Variants in RGPD2 observed in about 807,000 individuals in gnomAD.
RGPD2 encodes the protein RANBP2-like and GRIP domain-containing protein 2.
Under a neutral mutation model 36.0 loss-of-function variants are expected in RGPD2, and 2 were observed. That is an observed-to-expected ratio of 0.06 (90% CI 0.02 to 0.17). The LOEUF (loss-of-function observed/expected upper bound fraction) is 0.17, where lower values mean the gene tolerates loss of function less well. Ranked by LOEUF, RGPD2 falls within the 10% of genes least tolerant of loss-of-function variation. The pLI is 1.00. For missense variants in RGPD2, 40 were observed against 464.3 expected, an observed-to-expected ratio of 0.09 and a Z score of 8.40; for synonymous variants, 19 against 163.8, an observed-to-expected ratio of 0.12 and a Z score of 6.75.
chr2:87,911,583 G>T, the RGPD2 span, among the ~76,000 whole-genome samples: 3 of 151,866 alleles, frequency 2.0e-5, no homozygotes, highest in African/African-American at 7.2e-5. Flanking sequence ...AATTTTGTCA[G>T]GATTATGTAC....
At chr2:87,897,660 G>A in the RGPD2 span, among the ~76,000 whole-genome samples, 3 of 150,434 alleles carry the variant, frequency 2.0e-5, no homozygotes, top group East Asian at 5.9e-4. Flanking sequence ...CGTGTGTGGT[G>A]TGCCCCTCCC....
the RGPD2 span, among the ~76,000 whole-genome samples, chr2:87,958,676 C>T: frequency 6.6e-6 from 1 of 152,256 alleles, no homozygotes; most frequent in African/African-American, 2.4e-5. Flanking sequence ...CTTTTAGGTT[C>T]AGGGATACAT....
the RGPD2 span, among the ~76,000 whole-genome samples, chr2:87,932,444 C>T: frequency 9.5e-5 from 1 of 10,560 alleles, no homozygotes; most frequent in Non-Finnish European, 2.1e-4. Context: ...TCATTTAGCC[C>T]ATTTACATTT....
chr2:87,937,218 G>A, the RGPD2 span, among the ~76,000 whole-genome samples: 1 of 151,768 alleles, frequency 6.6e-6, no homozygotes, highest in Non-Finnish European at 1.5e-5. Context: ...CAGGTCAAAT[G>A]AGACAAAATT....
the RGPD2 span, among the ~76,000 whole-genome samples, chr2:87,961,758 T>TA: frequency 6.8e-6 from 1 of 147,858 alleles, no homozygotes; most frequent in Non-Finnish European, 1.5e-5. Context: ...GTGGAACACT[T>TA]AGAGGAAAAG....
the RGPD2 span, among the ~76,000 whole-genome samples, chr2:87,883,180 T>C: frequency 6.6e-6 from 1 of 151,906 alleles, no homozygotes; most frequent in Non-Finnish European, 1.5e-5. Context: ...CAGTAAAAAA[T>C]GGAAAGAGAG....
At chr2:87,922,785 TAA>T in the RGPD2 span, among the ~76,000 whole-genome samples, 5 of 151,954 alleles carry the variant, frequency 3.3e-5, no homozygotes, top group African/African-American at 4.8e-5. Flanking sequence ...TCTTCAACTC[TAA>T]GAGTCAGTAA....
At chr2:87,857,774 T>TAAAAAAAAAAAAA in the RGPD2 span, among the ~76,000 whole-genome samples, 8 of 123,460 alleles carry the variant, frequency 6.5e-5, no homozygotes, top group African/African-American at 3.0e-4. Flanking sequence ...CCATCTCTAC[T>TAAAAAAAAAAAAA]AAAAAAAAAA....
the RGPD2 span, among the ~76,000 whole-genome samples, chr2:87,961,637 G>T: frequency 7.2e-6 from 1 of 139,632 alleles, no homozygotes; most frequent in Admixed American, 7.4e-5. Flanking sequence ...GAGAGGCGAG[G>T]GTTGCAGTGA....
chr2:87,866,273 T>C, the RGPD2 span, among the ~76,000 whole-genome samples: 3 of 152,136 alleles, frequency 2.0e-5, no homozygotes, highest in Non-Finnish European at 4.4e-5. Context: ...TCTAAATTTG[T>C]ATATTCTAAG....
intron 1 of RGPD2, among the ~76,000 whole-genome samples, chr2:87,824,448 G>A (rs937839935): frequency 1.3e-5 from 2 of 152,064 alleles, no homozygotes; most frequent in Non-Finnish European, 2.9e-5. Flanking sequence ...CAGATGGCCA[G>A]CCTCTGCCAA....
intron 22 of RGPD2, among the ~76,000 whole-genome samples, chr2:87,760,848 A>G (rs968218246): frequency 2.8e-5 from 4 of 143,424 alleles, no homozygotes; most frequent in African/African-American, 7.6e-5. Flanking sequence ...CGATCTCCTG[A>G]CCTTGCGATC....
At chr2:87,966,154 G>T in the RGPD2 span, among the ~76,000 whole-genome samples, 6 of 152,234 alleles carry the variant, frequency 3.9e-5, no homozygotes, top group African/African-American at 1.4e-4. Flanking sequence ...GTGACTTCCA[G>T]TGTCTCCTTA....
At chr2:87,973,603 G>A in the RGPD2 span, among the ~76,000 whole-genome samples, 6 of 139,652 alleles carry the variant, frequency 4.3e-5, no homozygotes, top group Non-Finnish European at 9.5e-5. Context: ...GAGCCCTGAG[G>A]AGAGGGGCAG....
the RGPD2 span, among the ~76,000 whole-genome samples, chr2:87,972,052 G>A: frequency 6.6e-6 from 1 of 151,630 alleles, no homozygotes; most frequent in Admixed American, 6.6e-5. Flanking sequence ...AGTCAAGCAC[G>A]GAGGATCAAG....
the RGPD2 span, among the ~76,000 whole-genome samples, chr2:87,950,996 A>G: frequency 4.0e-5 from 1 of 24,844 alleles, no homozygotes; most frequent in African/African-American, 7.5e-5. Context: ...AATGTGTTAC[A>G]CAGCAATAGA....
chr2:87,910,610 G>A, the RGPD2 span, among the ~76,000 whole-genome samples: 1 of 152,152 alleles, frequency 6.6e-6, no homozygotes, highest in Non-Finnish European at 1.5e-5. Context: ...TGTATCCACT[G>A]ATTTCGCATC....
At chr2:87,927,777 G>A in the RGPD2 span, among the ~76,000 whole-genome samples, 1 of 151,066 alleles carries the variant, frequency 6.6e-6, no homozygotes, top group Admixed American at 6.6e-5. Flanking sequence ...CATAGAGCCA[G>A]TTCCTGAGAA....
the RGPD2 span, among the ~76,000 whole-genome samples, chr2:87,846,409 T>C: frequency 2.0e-5 from 3 of 152,250 alleles, no homozygotes; most frequent in East Asian, 5.8e-4. Context: ...AGATTATTTA[T>C]ACATTATGAT....
Sources: allele counts gnomAD v4.1 joint callset (sites outside exome capture counted in the v4.1 genomes callset), GRCh38; gene constraint gnomAD v4.1.1; transcripts MANE v1.5; gene names NCBI Gene and HGNC (gene_info 2026-07-23, HGNC 2026-07-21).